The following DNPEP variants were observed in gnomAD, a reference collection of about 807,000 sequenced individuals.
The protein encoded by DNPEP is aspartyl aminopeptidase.
DNPEP carries 46 observed loss-of-function variants against 59.1 expected under a neutral mutation model. The observed-to-expected ratio is 0.78, with a 90% confidence interval of 0.61 to 0.99. The LOEUF is 0.99. DNPEP is among the 50% of genes least tolerant of loss of function. The pLI is 0.00. For synonymous variants in DNPEP, 229 were observed against 242.2 expected, an observed-to-expected ratio of 0.95 and a Z score of 0.50; for missense variants, 617 against 649.9, an observed-to-expected ratio of 0.95 and a Z score of 0.55.
At position 219,396,587 on chromosome 2, in the gene DNPEP, C is replaced by CA. The variant is rs559818948; in HGVS notation, c.-158+3352dup. Among the ~76,000 whole-genome samples, 171 of 143,896 alleles carry CA rather than the reference C, an allele frequency of 1.2e-3. 3 individuals are homozygous for CA. In the South Asian group the frequency reaches 0.032, roughly 27 times the overall value. 94.4% of individuals were successfully genotyped at this position (143,896 alleles called of 152,430 possible). A position where few individuals can be genotyped will look rare whatever the true frequency, so the allele number is the denominator to read the frequency against. On this transcript the variant is annotated intron_variant, in intron 1 of 6. Transcript: ENST00000434339. ...TGGGCAACAGAGCAAGACTCCATCT[C>CA]AAAAAAAAAGAAAAAAAAAGATAAG...
intron 1 of DNPEP, among the ~76,000 whole-genome samples, chr2:219,397,473 C>G (rs2125154938): frequency 6.6e-6 from 1 of 152,250 alleles, no homozygotes; most frequent in African/African-American, 2.4e-5. Context: ...TCAAGTGATT[C>G]TCGTGCTTCA....
At chr2:219,374,810 G>A (rs1359212360) in intron 14 of DNPEP, 45 bp downstream of exon 14, 4 of 1,593,928 alleles carry the variant, frequency 2.5e-6, no homozygotes. Flanking sequence ...AGGCACTAGA[G>A]GGGAAGCAGC....
At chr2:219,387,306 ACCCAAAC>A in intron 1 of DNPEP, 143 bp from the exon 2 acceptor site, 1 of 1,445,958 alleles carries the variant, frequency 6.9e-7, no homozygotes, top group Non-Finnish European at 9.1e-7. Context: ...CCACCGAGAG[ACCCAAAC>A]CCAGGGCTGA....
At chr2:219,394,211 G>A (rs771077913) in intron 1 of DNPEP, among the ~76,000 whole-genome samples, 5 of 151,852 alleles carry the variant, frequency 3.3e-5, no homozygotes, top group African/African-American at 4.8e-5. Flanking sequence ...TCATTCCACC[G>A]CAACTTTTCT....
chr2:219,385,389 C>T, intron 8 of DNPEP, 35 bp downstream of exon 8: 1 of 1,484,494 alleles, frequency 6.7e-7, no homozygotes, highest in Non-Finnish European at 9.4e-7. Flanking sequence ...ATCCTGGAGG[C>T]CCTTCACCCA....
chr2:219,386,852 C>A, intron 3 of DNPEP, 40 bp downstream of exon 3: 1 of 1,610,964 alleles, frequency 6.2e-7, no homozygotes, highest in Non-Finnish European at 8.5e-7. Context: ...GGAGACCAGC[C>A]TAGGGACCTG....
rs1366213861 is a variant in DNPEP, at chr2:219,373,987, G to A, written c.*305C>T. 2.7e-6 allele frequency: 1 copy of A among 367,992 alleles called. No individual in the cohort carries two copies. Among genetic ancestry groups the A allele is most frequent in the East Asian group, 4.5e-5 (1 of 22,296 alleles). The allele number at this position is 367,992 out of a possible 1,614,324, so 22.8% of individuals were successfully genotyped here. ...AGGTGGAGGACTAGGGGTGGGAGAA[G>A]TGACCTTCTGCTTGAGGATCCAGTC... On this transcript the variant is annotated 3_prime_UTR_variant, in exon 15 of 15. Transcript: ENST00000273075.
intron 13 of DNPEP, among the ~76,000 whole-genome samples, chr2:219,379,307 T>C (rs915550952): frequency 5.3e-5 from 8 of 151,680 alleles, no homozygotes; most frequent in Admixed American, 2.6e-4. Flanking sequence ...TAGGAGCACA[T>C]TGTTATCATG....
chr2:219,385,913 C>T (rs1953794890), intron 6 of DNPEP, 55 bp downstream of exon 6: 2 of 1,598,882 alleles, frequency 1.3e-6, no homozygotes, highest in South Asian at 1.1e-5. Context: ...AGGTAATAAT[C>T]ACCTGGTACC....
upstream of DNPEP, chr2:219,388,152 G>A (rs1417901815): frequency 1.5e-4 from 25 of 162,436 alleles, no homozygotes; most frequent in Admixed American, 6.5e-4. Flanking sequence ...CCCTCGCAGG[G>A]CTGCACCGCC....
chr2:219,382,191 T>G lies in DNPEP; in HGVS notation c.937-52A>C, dbSNP rs771524768. ...GGAATCTGGGCTTAGGGGCCTGATC[T>G]TGGAAGCCAGTGAGAGGGGCCCATT... On this transcript the variant is annotated intron_variant, in intron 10 of 14. Transcript: ENST00000273075. 3 of 1,574,940 alleles carry G rather than the reference T, an allele frequency of 1.9e-6. No homozygotes were observed. In the East Asian group the frequency reaches 6.8e-5, roughly 36 times the overall value.
Position 219,375,000 on chromosome 2 carries a change from G to T in DNPEP, c.1262C>A (p.Thr421Asn). 1 of 1,614,136 alleles carries T rather than the reference G, an allele frequency of 6.2e-7. No homozygotes were observed. The highest frequency in any genetic ancestry group is 8.5e-7 in the Non-Finnish European group (1 of 1,180,032). Residue 421 changes from threonine to asparagine, a missense_variant, in exon 14 of 15, where the codon ACC becomes AAC. Physicochemically the swap from Thr to Asn is moderately conservative, Grantham distance 65 (BLOSUM62 0). Transcript: ENST00000273075. The stretch of plus-strand genomic sequence containing the variant: ...AGGTCCAATGGTGGTTCCACAGGGG[G>T]TGTCATTCCGGACCATGAGATCCTA... ...PLQDLMVRND[T>N]PCGTTIGPIL...
chr2:219,386,752 G>A lies in DNPEP; in HGVS notation c.246C>T (p.Thr82=), dbSNP rs1953858151. ...GGCCCCCTACAGCAAAAGCTATGAT[G>A]GTGGAGGAGTTCCTGGTCATGAAGT... The part of the protein sequence containing the change: ...SKYFMTRNSS[T]IIAFAVGGQY... Residue 82 remains threonine (T), a synonymous_variant, in exon 4 of 15, where the codon ACC becomes ACT. Coordinates refer to ENST00000273075, the MANE Select transcript of DNPEP (RefSeq NM_012100.4). 4 of 1,613,052 alleles carry A rather than the reference G, an allele frequency of 2.5e-6. No individual in the cohort carries two copies. In the East Asian group the frequency reaches 8.9e-5, roughly 36 times the overall value.
At position 219,385,655 on chromosome 2, in the gene DNPEP, A is replaced by G. The variant is rs776090081; in HGVS notation, c.642T>C (p.Pro214=). Residue 214 remains proline (P), a synonymous_variant, in exon 7 of 15, where the codon CCT becomes CCC. Transcript: ENST00000273075. ...CCACAGCATTGAGAGGCCCTGGCTC[A>G]GGAGTCCCCTTCTCCAGCTCCTCCT... The part of the protein sequence containing the change: ...AIQEELEKGT[P]EPGPLNAVDE... 6.2e-7 allele frequency: 1 copy of G among 1,611,852 alleles called. No homozygotes were observed. The highest frequency in any genetic ancestry group is 8.5e-7 in the Non-Finnish European group (1 of 1,178,912).
rs1245539352 is a variant in DNPEP, at chr2:219,386,726, T to C, written c.272A>G (p.Gln91Arg). Residue 91 changes from glutamine to arginine, a missense_variant, in exon 4 of 15, where the codon CAG (glutamine) becomes CGG (arginine). Coordinates refer to ENST00000273075, the MANE Select transcript of DNPEP (RefSeq NM_012100.4). ...GCTGAAGCCATTGCCAGGAACGTAC[T>C]GGCCCCCTACAGCAAAAGCTATGAT... ...STIIAFAVGG[Q>R]YVPGNGFSLI... is the part of the protein sequence containing the mutation. The C allele has an allele frequency of 1.9e-6, 3 of 1,613,064 alleles. No homozygotes were observed. The highest frequency in any genetic ancestry group is 2.5e-6 in the Non-Finnish European group (3 of 1,179,826).
chr2:219,385,759 C>T (rs767741365), intron 6 of DNPEP, 53 bp from the exon 7 acceptor site: 74 of 1,502,966 alleles, frequency 4.9e-5, no homozygotes, highest in Admixed American at 4.4e-4. Context: ...CAGCTGAGTG[C>T]GGCATCCATA....
chr2:219,377,339 C>T (rs1401504227), intron 13 of DNPEP, among the ~76,000 whole-genome samples: 2 of 136,412 alleles, frequency 1.5e-5, no homozygotes, highest in Non-Finnish European at 3.1e-5. Context: ...TTTAGAAATT[C>T]CAGTTGATAG....
chr2:219,377,315 G>C lies in DNPEP; in HGVS notation c.1240-2293C>G, dbSNP rs954153929. On this transcript the variant is annotated intron_variant, in intron 13 of 14. Coordinates refer to ENST00000273075, the MANE Select transcript of DNPEP (RefSeq NM_012100.4). Reference sequence around the variant, plus strand: ...AAAAAAAAAAAAAAAAGTTTAACTTGAATCCATCAAGTCTTTAGAAATTCC... The same window carrying C: ...AAAAAAAAAAAAAAAAGTTTAACTTCAATCCATCAAGTCTTTAGAAATTCC... 2.5e-5 allele frequency among the ~76,000 whole-genome samples: 3 copies of C among 121,992 alleles called. No individual in the cohort carries two copies. In the South Asian group the frequency reaches 8.8e-4, roughly 36 times the overall value. The allele number at this position is 121,992 out of a possible 152,430, so 80.0% of individuals were successfully genotyped here. A position where few individuals can be genotyped will look rare whatever the true frequency, so the allele number is the denominator to read the frequency against.
intron 13 of DNPEP, among the ~76,000 whole-genome samples, chr2:219,380,842 T>TAC (rs58867229): frequency 0.029 from 4,280 of 145,770 alleles, 199 homozygotes; most frequent in African/African-American, 0.099. Context: ...CATATATATG[T>TAC]ACACACACAC....
Sources: allele counts gnomAD v4.1 joint callset (sites outside exome capture counted in the v4.1 genomes callset), GRCh38; gene constraint gnomAD v4.1.1; transcripts MANE v1.5; gene names NCBI Gene and HGNC (gene_info 2026-07-23, HGNC 2026-07-21).